NELL1: variants seen among roughly 807,000 people sequenced by gnomAD.
The protein encoded by NELL1 is protein kinase C-binding protein NELL1.
In NELL1, 76 loss-of-function variants were observed where a neutral mutation model predicts 107.4. That is an observed-to-expected ratio of 0.71 (90% CI 0.59 to 0.86). NELL1 has a LOEUF of 0.86. NELL1 is among the 40% of genes least tolerant of loss of function. The pLI is 0.00. For missense variants in NELL1, 1,024 were observed against 1,005.5 expected (o/e 1.02, Z -0.25); for synonymous variants, 353 against 341.2 (o/e 1.03, Z -0.38).
chr11:21,472,799 G>A lies in NELL1; in HGVS notation c.1646-61575G>A, dbSNP rs190502428. 4.0e-3 allele frequency among the ~76,000 whole-genome samples: 612 copies of A among 151,730 alleles called. 4 individuals are homozygous for A. Among genetic ancestry groups the A allele is most frequent in the Admixed American group, 5.3e-3 (81 of 15,196 alleles). ...AATGTTCCTAATAATTCACTCACTC[G>A]TCCCCTTCCCTCCCCTTGCCTTCCC... is the stretch of plus-strand genomic sequence containing the variant. On this transcript the variant is annotated intron_variant, in intron 15 of 19. Coordinates refer to ENST00000357134, the MANE Select transcript of NELL1 (RefSeq NM_006157.5).
chr11:21,010,344 C>T (rs1565013195), intron 12 of NELL1, among the ~76,000 whole-genome samples: 1 of 151,906 alleles, frequency 6.6e-6, no homozygotes, highest in Admixed American at 6.6e-5. Flanking sequence ...AGTGAGGATT[C>T]AGCTTGCTAA....
chr11:21,503,542 T>C (rs559698857), intron 15 of NELL1, among the ~76,000 whole-genome samples: 2 of 152,306 alleles, frequency 1.3e-5, no homozygotes, highest in South Asian at 2.1e-4. Context: ...TTTGAAATGG[T>C]AATACTAATC....
At chr11:21,314,090 G>A (rs898968419) in intron 14 of NELL1, among the ~76,000 whole-genome samples, 43 of 136,792 alleles carry the variant, frequency 3.1e-4, no homozygotes, top group African/African-American at 1.1e-3. Flanking sequence ...AGCTCCCTGA[G>A]GCCTCCCCAG....
intron 13 of NELL1, among the ~76,000 whole-genome samples, chr11:21,193,430 CAT>C (rs1252579672): frequency 6.6e-6 from 1 of 151,506 alleles, no homozygotes; most frequent in Admixed American, 6.6e-5. Context: ...GAGATAACAG[CAT>C]ATATATAAGG....
intron 3 of NELL1, among the ~76,000 whole-genome samples, chr11:20,813,001 C>T (rs184580274): frequency 0.026 from 2,415 of 92,730 alleles, 91 homozygotes; most frequent in African/African-American, 0.11. Context: ...AGCGAGACTC[C>T]GTCTCAAAAA....
chr11:20,808,050 C>G (rs1857421551), intron 3 of NELL1, among the ~76,000 whole-genome samples: 1 of 152,154 alleles, frequency 6.6e-6, no homozygotes, highest in South Asian at 2.1e-4. Context: ...CCCACTGTGG[C>G]CAAGCTGGTA....
chr11:20,799,439 C>A (rs1431130436), intron 3 of NELL1, among the ~76,000 whole-genome samples: 1 of 152,160 alleles, frequency 6.6e-6, no homozygotes, highest in Non-Finnish European at 1.5e-5. Flanking sequence ...CCATAGTGTT[C>A]CTTGGAAATC....
chr11:20,927,529 T>C (rs938271761), intron 8 of NELL1, 87 bp downstream of exon 8: 1 of 1,271,018 alleles, frequency 7.9e-7, no homozygotes, highest in Non-Finnish European at 1.1e-6. Flanking sequence ...CTTTAATAAA[T>C]AATATTAACT....
chr11:20,702,636 G>A (rs1854824480), intron 2 of NELL1, among the ~76,000 whole-genome samples: 1 of 152,098 alleles, frequency 6.6e-6, no homozygotes, highest in South Asian at 2.1e-4. Flanking sequence ...GTATGATATT[G>A]GTTGTGGGTT....
At chr11:21,466,473 A>G (rs529788753) in intron 15 of NELL1, among the ~76,000 whole-genome samples, 11 of 152,294 alleles carry the variant, frequency 7.2e-5, no homozygotes, top group African/African-American at 2.6e-4. Context: ...AGAGAGAAAC[A>G]AGGTGGGAGC....
At chr11:21,529,542 A>C (rs1028631719) in intron 15 of NELL1, among the ~76,000 whole-genome samples, 2 of 148,316 alleles carry the variant, frequency 1.3e-5, no homozygotes, top group African/African-American at 5.0e-5. Context: ...CCTTAAACTT[A>C]TGTGAAGTTT....
At chr11:20,889,607 A>C (rs1849576297) in intron 5 of NELL1, among the ~76,000 whole-genome samples, 1 of 152,242 alleles carries the variant, frequency 6.6e-6, no homozygotes, top group South Asian at 2.1e-4. Context: ...AAAATATAAT[A>C]ATGCTTAATT....
intron 16 of NELL1, 32 bp from the exon 17 acceptor site, chr11:21,560,157 G>C (rs1329464704): frequency 1.9e-6 from 3 of 1,604,390 alleles, no homozygotes; most frequent in African/African-American, 1.3e-5. Flanking sequence ...CCCTTGGCTA[G>C]ATTCTAAGCT....
intron 4 of NELL1, among the ~76,000 whole-genome samples, chr11:20,855,994 A>G (rs983628770): frequency 1.3e-5 from 2 of 152,256 alleles, no homozygotes; most frequent in Admixed American, 6.5e-5. Context: ...AGATTCATCT[A>G]TCTCCTTGGA....
intron 15 of NELL1, among the ~76,000 whole-genome samples, chr11:21,373,021 A>T (rs955090673): frequency 6.6e-6 from 1 of 152,086 alleles, no homozygotes; most frequent in African/African-American, 2.4e-5. Context: ...TCCCTATGTA[A>T]ATATTAAAGT....
At chr11:21,475,346 C>T (rs1406563718) in intron 15 of NELL1, among the ~76,000 whole-genome samples, 2 of 152,092 alleles carry the variant, frequency 1.3e-5, no homozygotes, top group African/African-American at 2.4e-5. Flanking sequence ...CCAGCCTAAA[C>T]GGTTCTGTAG....
At chr11:21,391,116 T>C (rs1851867305) in intron 15 of NELL1, among the ~76,000 whole-genome samples, 1 of 151,892 alleles carries the variant, frequency 6.6e-6, no homozygotes, top group Non-Finnish European at 1.5e-5. Flanking sequence ...TTCTACTTAA[T>C]TGATAGTTTG....
chr11:21,338,855 A>C (rs1033316391), intron 14 of NELL1, among the ~76,000 whole-genome samples: 7 of 152,188 alleles, frequency 4.6e-5, no homozygotes, highest in Non-Finnish European at 8.8e-5. Flanking sequence ...TCAGTGATCC[A>C]GGGATGGGCT....
chr11:20,853,219 G>C (rs1174283598), intron 4 of NELL1, among the ~76,000 whole-genome samples: 2 of 152,232 alleles, frequency 1.3e-5, no homozygotes, highest in East Asian at 3.8e-4. Flanking sequence ...GTGAGGGAAG[G>C]TCTGTAGGGA....
Sources: gnomAD v4.1 joint callset for allele counts (sites outside exome capture counted in the v4.1 genomes callset) on GRCh38, gnomAD v4.1.1 for gene constraint, MANE v1.5 for transcripts, NCBI Gene and HGNC (gene_info 2026-07-23, HGNC 2026-07-21) for gene names.